GNB5: variants seen among roughly 807,000 people sequenced by gnomAD.
GNB5 encodes the protein G protein subunit beta 5.
Under a neutral mutation model 55.3 loss-of-function variants are expected in GNB5, and 37 were observed. The observed-to-expected ratio is 0.67, with a 90% CI of 0.51 to 0.88. The LOEUF (loss-of-function observed/expected upper bound fraction) is 0.88, where lower values mean the gene tolerates loss of function less well. Among genes scored for constraint, GNB5 ranks in the 40% least tolerant of loss-of-function variants. GNB5 has a pLI of 0.00. For missense variants in GNB5, 476 were observed against 515.3 expected, an observed-to-expected ratio of 0.92 and a Z score of 0.74; for synonymous variants, 219 against 198.5, an observed-to-expected ratio of 1.10 and a Z score of -0.87.
chr15:52,184,049 G>C (rs936637076), intron 2 of GNB5, among the ~76,000 whole-genome samples: 13 of 152,188 alleles, frequency 8.5e-5, no homozygotes, highest in African/African-American at 3.1e-4. Flanking sequence ...ACACCACTGG[G>C]ACCGGTCCTT....
rs992960479 is a variant in GNB5 at position 52,118,583 on chromosome 15, T to A, written c.*4174A>T. On this transcript the variant is annotated 3_prime_UTR_variant, in exon 13 of 13. Coordinates refer to ENST00000261837, the MANE Select transcript of GNB5 (RefSeq NM_016194.4). ...TGGGGTCCTCAATAACTTTTAAGGG[T>A]GTAGGCTGGGCACGGTGGCTTACAC... The A allele has an allele frequency of 4.6e-5, 7 of 152,070 alleles. No homozygotes were observed. The highest frequency in any genetic ancestry group is 1.7e-4 in the African/African-American group (7 of 41,394). 9.4% of individuals were successfully genotyped at this position (152,070 alleles called of 1,614,324 possible). A position where few individuals can be genotyped will look rare whatever the true frequency, so the allele number is the denominator to read the frequency against.
Position 52,121,659 on chromosome 15 carries a change from G to A in GNB5, c.*1098C>T, listed in dbSNP as rs1305239473. ...GTCTCGCTTTGTCACCCAGGCTGCA[G>A]TGGCTCGACCTCGGCTCACTGCAAG... is the stretch of plus-strand genomic sequence containing the variant. On this transcript the variant is annotated 3_prime_UTR_variant, in exon 13 of 13. Transcript: ENST00000261837. The A allele has an allele frequency of 6.6e-6, 1 of 150,430 alleles. No homozygotes were observed. The highest frequency in any genetic ancestry group is 1.5e-5 in the Non-Finnish European group (1 of 67,896). The allele number at this position is 150,430 out of a possible 1,614,324, so 9.3% of individuals were successfully genotyped here.
Position 52,141,250 on chromosome 15 carries a change from C to T in GNB5, c.517G>A (p.Val173Met), listed in dbSNP as rs1180644312. 1 of 1,613,874 alleles carries T rather than the reference C, an allele frequency of 6.2e-7. No individual in the cohort carries two copies. Among genetic ancestry groups the T allele is most frequent in the Non-Finnish European group, 8.5e-7 (1 of 1,179,798 alleles). Residue 173 changes from valine (V) to methionine (M), a missense_variant, in exon 7 of 13, where the codon GTG (valine) becomes ATG (methionine). Val to Met is a conservative substitution (Grantham distance 21). Transcript: ENST00000261837. ...ACGGLDNKCS[V>M]YPLTFDKNEN... ...TTTTTGTCAAACGTCAAGGGGTACACAGAACACTTATTATCCAAACCACTA... is the reference window on the plus strand; with the variant it reads ...TTTTTGTCAAACGTCAAGGGGTACATAGAACACTTATTATCCAAACCACTA...
At chr15:52,152,136 GTAA>G (rs2034109694) in intron 4 of GNB5, among the ~76,000 whole-genome samples, 1 of 149,998 alleles carries the variant, frequency 6.7e-6, no homozygotes, top group South Asian at 2.1e-4. Context: ...ATCTAGGAGA[GTAA>G]TAACATTTGT....
At chr15:52,131,070 C>T in intron 9 of GNB5, among the ~76,000 whole-genome samples, 1 of 152,228 alleles carries the variant, frequency 6.6e-6, no homozygotes, top group East Asian at 1.9e-4. Flanking sequence ...AAGTGATCCG[C>T]CCACCTCGGC....
chr15:52,147,244 C>A (rs2033996581), intron 6 of GNB5: 4 of 404,410 alleles, frequency 9.9e-6, no homozygotes, highest in Non-Finnish European at 1.8e-5. Context: ...CTCAAGTGAT[C>A]CTCCCACCTC....
At chr15:52,141,313 T>A (rs1237094587) in intron 6 of GNB5, 41 bp from the exon 7 acceptor site, 1 of 1,573,846 alleles carries the variant, frequency 6.4e-7, no homozygotes, top group African/African-American at 1.3e-5. Context: ...TAATGCAGAG[T>A]CACAGAATAT....
chr15:52,179,920 G>C (rs910709506), intron 2 of GNB5, 41 bp from the exon 3 acceptor site: 2 of 1,476,434 alleles, frequency 1.4e-6, no homozygotes, highest in Admixed American at 2.3e-5. Context: ...CGGAGAGCGG[G>C]AATGCGCTGA....
chr15:52,167,532 G>A (rs960125541), intron 3 of GNB5, among the ~76,000 whole-genome samples: 5 of 152,000 alleles, frequency 3.3e-5, no homozygotes, highest in East Asian at 1.9e-4. Flanking sequence ...TTAGCCGGGC[G>A]TGGTGGCAGG....
At chr15:52,180,906 AG>A in intron 2 of GNB5, 1 of 152,476 alleles carries the variant, frequency 6.6e-6, no homozygotes, top group African/African-American at 2.4e-5. Context: ...GTAATTGCTC[AG>A]GGGGCATGCT....
At chr15:52,139,839 C>G (rs1273513936) in intron 7 of GNB5, 1 of 1,276,522 alleles carries the variant, frequency 7.8e-7, no homozygotes, top group Non-Finnish European at 1.0e-6. Flanking sequence ...TCATCCCCAA[C>G]CCTGCCCCGG....
chr15:52,136,172 A>ACACACACACACCC (rs1168734914), intron 7 of GNB5, among the ~76,000 whole-genome samples: 12 of 100,116 alleles, frequency 1.2e-4, no homozygotes, highest in Admixed American at 1.9e-4. Context: ...ACACACACAC[A>ACACACACACACCC]CCCTACCTGC....
intron 1 of GNB5, among the ~76,000 whole-genome samples, chr15:52,188,661 A>C (rs765305688): frequency 5.9e-5 from 9 of 152,254 alleles, no homozygotes; most frequent in Non-Finnish European, 1.2e-4. Flanking sequence ...AAATTTTGAC[A>C]TGAAGTTGCT....
intron 3 of GNB5, among the ~76,000 whole-genome samples, chr15:52,164,451 T>C (rs2034408887): frequency 1.3e-5 from 2 of 151,060 alleles, no homozygotes; most frequent in African/African-American, 4.9e-5. Flanking sequence ...ACCCCGTCTC[T>C]ACTGAAAACA....
chr15:52,189,635 T>C (rs1465488672), intron 1 of GNB5, among the ~76,000 whole-genome samples: 2 of 152,318 alleles, frequency 1.3e-5, no homozygotes, highest in East Asian at 1.9e-4. Flanking sequence ...CTAATTTTCA[T>C]GGCAGCATTA....
At chr15:52,179,629 C>T in intron 3 of GNB5, 139 bp downstream of exon 3, 1 of 353,972 alleles carries the variant, frequency 2.8e-6, no homozygotes, top group Non-Finnish European at 4.6e-6. Flanking sequence ...GCGCCCGGGC[C>T]CCAGGGCCCT....
At chr15:52,149,778 G>A in intron 5 of GNB5, 106 bp downstream of exon 5, 1 of 815,962 alleles carries the variant, frequency 1.2e-6, no homozygotes, top group Non-Finnish European at 2.1e-6. Context: ...TGCTTGCAGG[G>A]ATACATGGAG....
At chr15:52,189,137 CA>C (rs2034884716) in intron 1 of GNB5, among the ~76,000 whole-genome samples, 1 of 152,140 alleles carries the variant, frequency 6.6e-6, no homozygotes, top group Non-Finnish European at 1.5e-5. Context: ...TAAAAATGGA[CA>C]AAAGGACCTT....
intron 8 of GNB5, among the ~76,000 whole-genome samples, chr15:52,134,266 C>A (rs555527132): frequency 6.6e-6 from 1 of 152,298 alleles, no homozygotes; most frequent in Middle Eastern, 3.4e-3. Flanking sequence ...TGTGGACTCT[C>A]AATAGTCAAA....
Sources: allele counts gnomAD v4.1 joint callset (sites outside exome capture counted in the v4.1 genomes callset), GRCh38; gene constraint gnomAD v4.1.1; transcripts MANE v1.5; gene names NCBI Gene and HGNC (gene_info 2026-07-23, HGNC 2026-07-21).